The following NRG1 variants were observed in gnomAD, a reference collection of about 807,000 sequenced individuals.
The protein encoded by NRG1 is neuregulin 1.
NRG1 carries 18 observed loss-of-function variants against 63.8 expected under a neutral mutation model. That is an observed-to-expected ratio of 0.28 (90% CI 0.19 to 0.42). The LOEUF is 0.42. Ranked by LOEUF, NRG1 falls within the 10% of genes least tolerant of loss-of-function variation. NRG1 has a pLI of 1.00. For synonymous variants in NRG1, 302 were observed against 301.3 expected, an observed-to-expected ratio of 1.00 and a Z score of -0.02; for missense variants, 762 against 814.7, an observed-to-expected ratio of 0.94 and a Z score of 0.79.
At chr8:32,450,492 C>T (rs1820817766) in intron 1 of NRG1, among the ~76,000 whole-genome samples, 1 of 152,126 alleles carries the variant, frequency 6.6e-6, no homozygotes. Flanking sequence ...TTACAGCTTA[C>T]TGCAGCCTTA....
chr8:32,377,649 G>A (rs1445479057), intron 1 of NRG1, among the ~76,000 whole-genome samples: 1 of 152,136 alleles, frequency 6.6e-6, no homozygotes, highest in Non-Finnish European at 1.5e-5. Context: ...CAGCAGCTTG[G>A]CTTCCAGTGT....
At chr8:31,644,990 C>T (rs1272100190) in intron 1 of NRG1, among the ~76,000 whole-genome samples, 6 of 152,038 alleles carry the variant, frequency 3.9e-5, no homozygotes, top group Non-Finnish European at 8.8e-5. Context: ...CAATTTGTTA[C>T]CACCCCAAAA....
chr8:32,739,222 C>T (rs184847692), intron 6 of NRG1, among the ~76,000 whole-genome samples: 111 of 152,270 alleles, frequency 7.3e-4, no homozygotes, highest in African/African-American at 2.5e-3. Context: ...GGGCACCTTA[C>T]GTCTTGAACT....
intron 1 of NRG1, among the ~76,000 whole-genome samples, chr8:32,552,834 A>C (rs562401201): frequency 3.3e-5 from 5 of 151,950 alleles, no homozygotes; most frequent in Non-Finnish European, 7.3e-5. Flanking sequence ...GAGAAAAAAT[A>C]TATATAGAGA....
At chr8:31,663,527 A>C (rs896197401) in intron 1 of NRG1, among the ~76,000 whole-genome samples, 3 of 152,144 alleles carry the variant, frequency 2.0e-5, no homozygotes, top group African/African-American at 7.2e-5. Context: ...TCCTGCTTAC[A>C]TTATGGATAG....
intron 1 of NRG1, among the ~76,000 whole-genome samples, chr8:32,354,646 A>G (rs1228259539): frequency 6.6e-6 from 1 of 151,652 alleles, no homozygotes. Flanking sequence ...TAATACCAGC[A>G]CTCTGGAAGG....
At position 31,782,314 on chromosome 8, in the gene NRG1, A is replaced by G. The variant is rs79902613; in HGVS notation, c.37+142883A>G. On this transcript the variant is annotated intron_variant, in intron 1 of 10. Coordinates refer to the NRG1 transcript ENST00000519301. Reference sequence around the variant, plus strand: ...CCTTACTTCCTTCAGATTTTCGCTCAGATACCATGTTATTCATGAGGCTTC... The same window carrying G: ...CCTTACTTCCTTCAGATTTTCGCTCGGATACCATGTTATTCATGAGGCTTC... Among the ~76,000 whole-genome samples, 314 of 152,194 alleles carry G rather than the reference A, an allele frequency of 2.1e-3. 10 individuals carry two copies. In the East Asian group the frequency reaches 0.054, roughly 26 times the overall value.
chr8:32,449,018 G>A (rs1563479510), intron 1 of NRG1, among the ~76,000 whole-genome samples: 1 of 152,128 alleles, frequency 6.6e-6, no homozygotes, highest in African/African-American at 2.4e-5. Context: ...CCATCGGCCG[G>A]GCATGATGGC....
Position 31,929,104 on chromosome 8 carries a change from T to C in NRG1, c.37+289673T>C, listed in dbSNP as rs1313681643. 2.0e-5 allele frequency among the ~76,000 whole-genome samples: 3 copies of C among 152,314 alleles called. No individual in the cohort carries two copies. The East Asian group carries it at 5.8e-4, about 29-fold the overall frequency. ...GATCTGAGACAAGCTATGATCACAT[T>C]GTTGTAGAGAACTGAGGTCCTTGGA... is the stretch of plus-strand genomic sequence containing the variant. On this transcript the variant is annotated intron_variant, in intron 1 of 10. Coordinates refer to the NRG1 transcript ENST00000519301.
chr8:32,336,576 C>A (rs1803296470), intron 1 of NRG1, among the ~76,000 whole-genome samples: 2 of 152,160 alleles, frequency 1.3e-5, no homozygotes, highest in South Asian at 4.1e-4. Context: ...TCAGTTTCGA[C>A]TGGTGCTTAG....
chr8:32,224,731 G>A (rs995209575), intron 1 of NRG1, among the ~76,000 whole-genome samples: 3 of 152,176 alleles, frequency 2.0e-5, no homozygotes, highest in African/African-American at 7.2e-5. Context: ...ACAGGATGAT[G>A]CAGCTGAATG....
chr8:32,277,130 C>T (rs550287618), intron 1 of NRG1, among the ~76,000 whole-genome samples: 9 of 152,300 alleles, frequency 5.9e-5, no homozygotes, highest in African/African-American at 2.2e-4. Flanking sequence ...AAGTCATTGC[C>T]TCCTGCCATT....
At chr8:31,734,926 TC>T (rs1242360388) in intron 1 of NRG1, among the ~76,000 whole-genome samples, 1 of 152,120 alleles carries the variant, frequency 6.6e-6, no homozygotes, top group Non-Finnish European at 1.5e-5. Flanking sequence ...ACTCTAAGGG[TC>T]CCATGAAAGA....
chr8:31,854,103 G>C (rs1298291889), intron 1 of NRG1, among the ~76,000 whole-genome samples: 1 of 151,818 alleles, frequency 6.6e-6, no homozygotes, highest in Non-Finnish European at 1.5e-5. Flanking sequence ...CCCGGCTTTG[G>C]TATCAGGATG....
chr8:32,004,776 A>G (rs1326712839), intron 1 of NRG1, among the ~76,000 whole-genome samples: 2 of 151,882 alleles, frequency 1.3e-5, no homozygotes, highest in African/African-American at 2.4e-5. Context: ...TCTCAAAGAC[A>G]GAAATGTGGT....
At chr8:32,541,860 G>A (rs36068430) in intron 1 of NRG1, among the ~76,000 whole-genome samples, 8,290 of 152,200 alleles carry the variant, frequency 0.054, 304 homozygotes, top group Middle Eastern at 0.085. Flanking sequence ...AGATTAAATC[G>A]AAACTCAAAG....
intron 5 of NRG1, among the ~76,000 whole-genome samples, chr8:32,659,228 T>G (rs1417399896): frequency 1.4e-5 from 2 of 146,826 alleles, no homozygotes; most frequent in Non-Finnish European, 3.0e-5. Context: ...CACCGCAACC[T>G]CCACCTCCTG....
intron 1 of NRG1, among the ~76,000 whole-genome samples, chr8:31,741,043 AAGAATG>A (rs372258925): frequency 1.0e-3 from 156 of 152,182 alleles, no homozygotes; most frequent in Middle Eastern, 6.8e-3. Flanking sequence ...TAGCCATACA[AAGAATG>A]AAATAATGCC....
chr8:32,497,541 T>C (rs1019141189), intron 1 of NRG1, among the ~76,000 whole-genome samples: 1 of 152,082 alleles, frequency 6.6e-6, no homozygotes, highest in African/African-American at 2.4e-5. Context: ...ACTTACAGAT[T>C]GACATATTTC....
Sources: allele counts gnomAD v4.1 joint callset (sites outside exome capture counted in the v4.1 genomes callset), GRCh38; gene constraint gnomAD v4.1.1; transcripts MANE v1.5; gene names NCBI Gene and HGNC (gene_info 2026-07-23, HGNC 2026-07-21).